CUL4A: variants seen among roughly 807,000 people sequenced by gnomAD.
CUL4A encodes the protein cullin-4A.
In CUL4A, 16 loss-of-function variants were observed where a neutral mutation model predicts 95.5. The ratio of observed to expected loss-of-function variants is 0.17; its 90% CI spans 0.11 to 0.25. CUL4A has a LOEUF of 0.25. Ranked by LOEUF, CUL4A falls within the 10% of genes least tolerant of loss-of-function variation. The probability of loss-of-function intolerance (pLI) is 1.00; values close to 1 mark genes in which losing one functional copy is unlikely to be tolerated. For missense variants in CUL4A, 610 were observed against 937.0 expected, an observed-to-expected ratio of 0.65 and a Z score of 4.56; for synonymous variants, 380 against 353.1, an observed-to-expected ratio of 1.08 and a Z score of -0.85.
At chr13:113,256,913 C>CTTTTTTTTTTCTTT (rs1566372467) in intron 18 of CUL4A, among the ~76,000 whole-genome samples, 52 of 77,882 alleles carry the variant, frequency 6.7e-4, no homozygotes, top group Non-Finnish European at 8.5e-4. Flanking sequence ...TGCTTTGTCC[C>CTTTTTTTTTTCTTT]TTTTTTTTTT....
At chr13:113,258,260 G>A (rs1013446501) in intron 18 of CUL4A, among the ~76,000 whole-genome samples, 2 of 152,040 alleles carry the variant, frequency 1.3e-5, no homozygotes, top group African/African-American at 4.8e-5. Flanking sequence ...CAAAGTGCTG[G>A]GATTACAGCC....
At chr13:113,211,332 GT>G (rs1449239207) in intron 2 of CUL4A, among the ~76,000 whole-genome samples, 1 of 152,224 alleles carries the variant, frequency 6.6e-6, no homozygotes, top group African/African-American at 2.4e-5. Context: ...TACCACAGTT[GT>G]TTTATCCATT....
intron 3 of CUL4A, among the ~76,000 whole-genome samples, chr13:113,226,813 G>A (rs372749942): frequency 2.0e-5 from 3 of 152,130 alleles, no homozygotes; most frequent in Non-Finnish European, 2.9e-5. Flanking sequence ...TTAAGACCAC[G>A]TGTTCAAGAC....
upstream of CUL4A, chr13:113,208,745 G>A: frequency 6.7e-7 from 1 of 1,482,382 alleles, no homozygotes; most frequent in Non-Finnish European, 9.0e-7. Context: ...CCCGCCGCGG[G>A]TGCGCAGGTT....
chr13:113,208,981 G>A (rs559191430), upstream of CUL4A: 25 of 1,060,050 alleles, frequency 2.4e-5, no homozygotes, highest in East Asian at 1.6e-3. Context: ...GTGAAAACCA[G>A]GCCGCGGAGG....
chr13:113,263,703 G>C lies in CUL4A; in HGVS notation c.*121G>C, dbSNP rs2042348416. On this transcript the variant is annotated 3_prime_UTR_variant, in exon 20 of 20. Coordinates refer to ENST00000375440, the MANE Select transcript of CUL4A (RefSeq NM_001008895.4). ...CTGTGGACATTGGAAGGCGAAGGAA[G>C]GGAGGTGGCTCCTGGGTCATCTTTC... is the stretch of plus-strand genomic sequence containing the variant. 1 of 564,826 alleles carries C rather than the reference G, an allele frequency of 1.8e-6. No individual in the cohort carries two copies. The highest frequency in any genetic ancestry group is 1.9e-5 in the African/African-American group (1 of 51,802). The allele number at this position is 564,826 out of a possible 1,614,324, so 35.0% of individuals were successfully genotyped here. A position where few individuals can be genotyped will look rare whatever the true frequency, so the allele number is the denominator to read the frequency against.
At chr13:113,247,200 A>G (rs1271146117) in intron 15 of CUL4A, among the ~76,000 whole-genome samples, 2 of 152,064 alleles carry the variant, frequency 1.3e-5, no homozygotes, top group African/African-American at 4.8e-5. Context: ...CACCCCCATG[A>G]CCCAAACACC....
chr13:113,210,564 G>A (rs1385205113), intron 2 of CUL4A, among the ~76,000 whole-genome samples: 2 of 152,152 alleles, frequency 1.3e-5, no homozygotes, highest in Non-Finnish European at 2.9e-5. Context: ...GTGATTAGTG[G>A]TTGCCTTTAA....
upstream of CUL4A, chr13:113,208,619 T>C (rs751379841): frequency 1.4e-5 from 22 of 1,607,416 alleles, no homozygotes; most frequent in East Asian, 2.2e-5. Context: ...TACTGGTTAA[T>C]GGTAATGTGC....
chr13:113,235,094 G>A lies in CUL4A; in HGVS notation c.797G>A (p.Arg266His). 1.2e-6 allele frequency: 2 copies of A among 1,613,092 alleles called. No homozygotes were observed. Among genetic ancestry groups the A allele is most frequent in the Non-Finnish European group, 1.7e-6 (2 of 1,179,264 alleles). ...VPEYLNHVSKRLEEEGDRVIT... is the reference protein window; with the variant it reads ...VPEYLNHVSKHLEEEGDRVIT... Reference sequence around the variant, plus strand: ...GAATATCTTAACCATGTAAGTAAACGCTTAGAGGAAGAGGGAGACAGAGTA... The same window carrying A: ...GAATATCTTAACCATGTAAGTAAACACTTAGAGGAAGAGGGAGACAGAGTA... Residue 266 changes from arginine (R) to histidine (H), a missense_variant, in exon 8 of 20, where the codon CGC (arginine) becomes CAC (histidine). Physicochemically the swap from Arg to His is conservative, Grantham distance 29 (BLOSUM62 0). This residue lies in a region of CUL4A where 153 missense variants were observed against 244.5 expected (regional missense o/e 0.63). Transcript: ENST00000375440.
At chr13:113,236,598 G>A (rs779746969) in intron 8 of CUL4A, among the ~76,000 whole-genome samples, 3 of 152,324 alleles carry the variant, frequency 2.0e-5, no homozygotes, top group Middle Eastern at 3.4e-3. Flanking sequence ...GGGCCCGCCC[G>A]TGGGCCTGCT....
At chr13:113,256,101 C>T (rs574117692) in intron 18 of CUL4A, among the ~76,000 whole-genome samples, 68 of 152,148 alleles carry the variant, frequency 4.5e-4, no homozygotes, top group Non-Finnish European at 8.2e-4. Context: ...TCGGGAGGGT[C>T]GCTTGATCCC....
chr13:113,243,267 C>T, intron 11 of CUL4A, 107 bp downstream of exon 11: 1 of 1,014,108 alleles, frequency 9.9e-7, no homozygotes, highest in Non-Finnish European at 1.4e-6. Context: ...CCAAAATGTT[C>T]AAGCTGCTCA....
chr13:113,222,322 A>G (rs1267369226), intron 3 of CUL4A, among the ~76,000 whole-genome samples: 1 of 152,092 alleles, frequency 6.6e-6, no homozygotes, highest in Non-Finnish European at 1.5e-5. Context: ...GAGGGGTCAC[A>G]CCACAATGGT....
intron 5 of CUL4A, 134 bp downstream of exon 5, chr13:113,229,653 A>G (rs375347458): frequency 4.2e-6 from 3 of 716,132 alleles, no homozygotes; most frequent in East Asian, 2.7e-5. Context: ...CAAAATCATT[A>G]ACGTGAACGT....
At chr13:113,259,317 C>A (rs970990225) in intron 18 of CUL4A, among the ~76,000 whole-genome samples, 3 of 152,166 alleles carry the variant, frequency 2.0e-5, no homozygotes, top group African/African-American at 7.2e-5. Context: ...TTTTGGGGGT[C>A]ATGGATCCTG....
intron 3 of CUL4A, among the ~76,000 whole-genome samples, chr13:113,224,179 C>T (rs921500310): frequency 2.0e-5 from 3 of 152,166 alleles, no homozygotes; most frequent in Non-Finnish European, 2.9e-5. Context: ...GGTGAAACCC[C>T]GTCTCTACTG....
chr13:113,243,345 A>G (rs1457120932), intron 11 of CUL4A, among the ~76,000 whole-genome samples, 185 bp downstream of exon 11: 6 of 152,168 alleles, frequency 3.9e-5, no homozygotes, highest in Admixed American at 2.6e-4. Flanking sequence ...ACACACCTGC[A>G]TGCATGGGTG....
intron 15 of CUL4A, among the ~76,000 whole-genome samples, chr13:113,252,369 TACAACAACA>T (rs1178789374): frequency 6.6e-6 from 1 of 151,914 alleles, no homozygotes; most frequent in Non-Finnish European, 1.5e-5. Flanking sequence ...GACCCATCTC[TACAACAACA>T]ACAACAACAA....
Sources: gnomAD v4.1 joint callset for allele counts (sites outside exome capture counted in the v4.1 genomes callset) on GRCh38, gnomAD v4.1.1 for gene constraint, gnomAD v4.1.1 regional missense constraint, MANE v1.5 for transcripts, NCBI Gene and HGNC (gene_info 2026-07-23, HGNC 2026-07-21) for gene names.